Variants in VASP observed in about 807,000 individuals in gnomAD.
VASP encodes the protein vasodilator stimulated phosphoprotein.
A neutral mutation model predicts 54.4 loss-of-function variants in VASP; 27 were observed. That is an observed-to-expected ratio of 0.50 (90% confidence interval 0.37 to 0.68). VASP has a LOEUF of 0.68. VASP is among the 30% of genes least tolerant of loss of function. The pLI, the probability that VASP is intolerant of heterozygous loss-of-function variation, is 0.00. For missense variants in VASP, 488 were observed against 528.3 expected, an observed-to-expected ratio of 0.92 and a Z score of 0.75; for synonymous variants, 233 against 209.8, an observed-to-expected ratio of 1.11 and a Z score of -0.96.
At chr19:45,520,369 A>G (rs186479259) in intron 3 of VASP, among the ~76,000 whole-genome samples, 1 of 152,298 alleles carries the variant, frequency 6.6e-6, no homozygotes, top group Non-Finnish European at 1.5e-5. Flanking sequence ...GTGAGGTTTT[A>G]GGTGACTGCC....
At chr19:45,511,643 C>T (rs1449731571) in intron 1 of VASP, among the ~76,000 whole-genome samples, 2 of 152,164 alleles carry the variant, frequency 1.3e-5, no homozygotes, top group African/African-American at 2.4e-5. Context: ...CATCTCACAG[C>T]CCCCGCACCC....
intron 3 of VASP, among the ~76,000 whole-genome samples, chr19:45,518,893 G>A (rs1452148501): frequency 3.3e-5 from 5 of 151,988 alleles, no homozygotes; most frequent in Non-Finnish European, 5.9e-5. Context: ...GTGCAGTGGT[G>A]CAACCTCAGC....
intron 1 of VASP, among the ~76,000 whole-genome samples, chr19:45,509,341 C>T (rs1238663041): frequency 6.6e-6 from 1 of 152,174 alleles, no homozygotes; most frequent in Non-Finnish European, 1.5e-5. Flanking sequence ...TTCCTTCGCC[C>T]TCTTCCTCCG....
chr19:45,516,934 G>C (rs1599932482), intron 1 of VASP, among the ~76,000 whole-genome samples: 1 of 136,402 alleles, frequency 7.3e-6, no homozygotes, highest in African/African-American at 2.8e-5. Flanking sequence ...GGGAGGCAGA[G>C]GTTGCGGTGA....
chr19:45,510,136 T>G lies in VASP; in HGVS notation c.5+2360T>G, dbSNP rs150312564. Among the ~76,000 whole-genome samples the G allele has an allele frequency of 8.7e-3, 1,330 of 152,248 alleles. 59 individuals carry two copies. Among genetic ancestry groups the G allele is most frequent in the Admixed American group, 0.075 (1,144 of 15,272 alleles). On this transcript the variant is annotated intron_variant, in intron 1 of 12. Coordinates refer to ENST00000245932, the MANE Select transcript of VASP (RefSeq NM_003370.4). ...TTCTTCCAATAATAGCTATTTTTAT[T>G]TTTAAAAAATAAGAGACCATTTGAT...
rs543556922 is a variant in VASP at position 45,519,796 on chromosome 19, C to T, written c.344-1526C>T. 7.5e-4 allele frequency among the ~76,000 whole-genome samples: 111 copies of T among 148,672 alleles called. 1 individual carries two copies. Among genetic ancestry groups the T allele is most frequent in the East Asian group, 3.0e-3 (15 of 4,976 alleles). On this transcript the variant is annotated intron_variant, in intron 3 of 12. Transcript: ENST00000245932. ...ATTTTTAGTAGAGACGGGATTTCACCGTGTTAGCCAGGATGGTCTCGATCT... is the reference window on the plus strand; with the variant it reads ...ATTTTTAGTAGAGACGGGATTTCACTGTGTTAGCCAGGATGGTCTCGATCT...
In VASP at chr19:45,523,867, G is replaced by A. The variant is rs199843668; in HGVS notation, c.900G>A (p.Pro300=). The A allele has an allele frequency of 8.7e-5, 140 of 1,613,804 alleles. No homozygotes were observed. The East Asian group carries it at 1.1e-3, about 13-fold the overall frequency. The change falls in exon 9 of 13, where the codon CCG becomes CCA. Residue 300 remains proline, a synonymous_variant. Coordinates refer to ENST00000245932, the MANE Select transcript of VASP (RefSeq NM_003370.4). The part of the protein sequence containing the change: ...ANQEEPEARV[P]AQSESVRRPW... ...AGGAGGAGCCAGAGGCCAGAGTCCC[G>A]GCCCAGAGTGGTGAGTAGAGTGCCC... is the stretch of plus-strand genomic sequence containing the variant.
chr19:45,523,190 AT>A (rs61288703), intron 7 of VASP, among the ~76,000 whole-genome samples: 1,468 of 74,470 alleles, frequency 0.02, no homozygotes, highest in African/African-American at 0.031. Context: ...AATCTCTTGA[AT>A]TTTTTTTTTT....
chr19:45,524,272 CT>C, intron 10 of VASP, 130 bp downstream of exon 10: 1 of 1,076,504 alleles, frequency 9.3e-7, no homozygotes, highest in Non-Finnish European at 1.4e-6. Context: ...CGTGGTAGCA[CT>C]TACCTGTGGT....
chr19:45,510,636 A>G (rs1305815821), intron 1 of VASP, among the ~76,000 whole-genome samples: 2 of 152,146 alleles, frequency 1.3e-5, no homozygotes, highest in Non-Finnish European at 2.9e-5. Context: ...CAAGGTGCCT[A>G]TTAAACTCAA....
intron 1 of VASP, among the ~76,000 whole-genome samples, chr19:45,513,468 CTTTTTTTT>C (rs71173173): frequency 7.5e-5 from 7 of 92,786 alleles, no homozygotes; most frequent in Non-Finnish European, 2.0e-5. Flanking sequence ...AGTCTCTCTC[CTTTTTTTT>C]TTTTTTTTTT....
intron 4 of VASP, 50 bp downstream of exon 4, chr19:45,521,456 A>T: frequency 6.9e-7 from 1 of 1,447,366 alleles, no homozygotes; most frequent in Non-Finnish European, 9.2e-7. Flanking sequence ...AGAGTTCCAT[A>T]TGTTCTGGAA....
intron 1 of VASP, among the ~76,000 whole-genome samples, chr19:45,511,965 G>A (rs189013111): frequency 1.2e-3 from 188 of 152,270 alleles, no homozygotes; most frequent in African/African-American, 4.2e-3. Context: ...TTAGCCTGGC[G>A]TGGTGGCACA....
In VASP at chr19:45,524,134, C is replaced by T. The variant is rs752814121; in HGVS notation, c.948C>T (p.Thr316=). The change falls in exon 10 of 13, where the codon ACC becomes ACT. Residue 316 remains threonine (T), a synonymous_variant. Transcript: ENST00000245932. ...GACCCTGGGAGAAGAACAGCACAAC[C>T]TTGCCAAGGTAGGCCATCGGTCCTG... The part of the protein sequence containing the change: ...VRRPWEKNST[T]LPRMKSSSSV... The T allele has an allele frequency of 1.2e-6, 2 of 1,613,686 alleles. No individual in the cohort carries two copies. The highest frequency in any genetic ancestry group is 8.5e-7 in the Non-Finnish European group (1 of 1,180,016).
At chr19:45,519,081 A>G (rs1178726056) in intron 3 of VASP, among the ~76,000 whole-genome samples, 1 of 149,316 alleles carries the variant, frequency 6.7e-6, no homozygotes, top group East Asian at 2.0e-4. Context: ...GTGGCACGAT[A>G]TTGCCTCACT....
chr19:45,526,740 G>C lies in VASP; in HGVS notation c.*563G>C, dbSNP rs1411949824. On this transcript the variant is annotated 3_prime_UTR_variant, in exon 13 of 13. Transcript: ENST00000245932. ...GGGTGAGATATCCCCCCACCCCAGG[G>C]ACTCCCCTTCCCTCTGGCTCCTTCC... The C allele has an allele frequency of 2.0e-5, 3 of 152,214 alleles. No individual in the cohort carries two copies. Among genetic ancestry groups the C allele is most frequent in the African/African-American group, 7.3e-5 (3 of 41,328 alleles). The allele number at this position is 152,214 out of a possible 1,614,324, so 9.4% of individuals were successfully genotyped here.
intron 3 of VASP, among the ~76,000 whole-genome samples, chr19:45,519,539 T>A (rs1270170341): frequency 1.3e-5 from 2 of 149,820 alleles, no homozygotes; most frequent in Non-Finnish European, 3.0e-5. Flanking sequence ...ATCCTCCCAC[T>A]TCAGCCTCCT....
chr19:45,523,190 A>ATTT lies in VASP; in HGVS notation c.821+400_821+402dup, dbSNP rs61288703. The stretch of plus-strand genomic sequence containing the variant: ...TGATTCTAGAACCACAATCTCTTGA[A>ATTT]TTTTTTTTTTTTTTTTTTTTTTTTT... On this transcript the variant is annotated intron_variant, in intron 7 of 12. Coordinates refer to ENST00000245932, the MANE Select transcript of VASP (RefSeq NM_003370.4). 3.1e-3 allele frequency among the ~76,000 whole-genome samples: 229 copies of ATTT among 74,722 alleles called. 37 individuals are homozygous for ATTT. The highest frequency in any genetic ancestry group is 9.3e-3 in the African/African-American group (155 of 16,596). The allele number at this position is 74,722 out of a possible 152,430, so 49.0% of individuals were successfully genotyped here.
At chr19:45,520,623 C>T (rs930769415) in intron 3 of VASP, among the ~76,000 whole-genome samples, 2 of 152,168 alleles carry the variant, frequency 1.3e-5, no homozygotes, top group African/African-American at 4.8e-5. Context: ...AGCTCTTTAC[C>T]TTTCCAGGTT....
Sources: gnomAD v4.1 joint callset for allele counts (sites outside exome capture counted in the v4.1 genomes callset) on GRCh38, gnomAD v4.1.1 for gene constraint, MANE v1.5 for transcripts, NCBI Gene and HGNC (gene_info 2026-07-23, HGNC 2026-07-21) for gene names.